The following CD5L variants were observed in gnomAD, a reference collection of about 807,000 sequenced individuals.
CD5L encodes the protein CD5 molecule like.
CD5L carries 39 observed loss-of-function variants against 40.8 expected under a neutral mutation model. The ratio of observed to expected loss-of-function variants is 0.96; its 90% CI spans 0.74 to 1.25. CD5L has a LOEUF of 1.25. Ranked by LOEUF, CD5L falls within the 50% of genes most tolerant of loss-of-function variation. The pLI is 0.00. For missense variants in CD5L, 433 were observed against 435.9 expected (o/e 0.99, Z 0.06); for synonymous variants, 192 against 169.6 (o/e 1.13, Z -1.03).
Position 157,836,019 on chromosome 1 carries a change from C to T in CD5L, c.192G>A (p.Glu64=), listed in dbSNP as rs754454170. 27 of 1,614,096 alleles carry T rather than the reference C, an allele frequency of 1.7e-5. No homozygotes were observed. The highest frequency in any genetic ancestry group is 1.5e-5 in the Non-Finnish European group (18 of 1,180,046). Residue 64 remains glutamate, a synonymous_variant, in exon 3 of 6, where the codon GAG becomes GAA. Coordinates refer to ENST00000368174, the MANE Select transcript of CD5L (RefSeq NM_005894.3). ...TTCCGCTGGCAGCTCCACAGCCCAG[C>T]TCCCGGCACAACACAGCCACGTCCT... ...DIKDVAVLCR[E]LGCGAASGTP... is the part of the protein sequence containing the mutation.
chr1:157,829,695 T>C (rs1655995168), downstream of CD5L, among the ~76,000 whole-genome samples: 1 of 152,204 alleles, frequency 6.6e-6, no homozygotes, highest in African/African-American at 2.4e-5. Context: ...AATTAGTGAA[T>C]TATCATTTTA....
intron 5 of CD5L, 141 bp downstream of exon 5, chr1:157,833,051 G>C (rs1656090763): frequency 4.1e-6 from 3 of 724,660 alleles, no homozygotes. Flanking sequence ...CATATCCCTG[G>C]AAGTACAGAG....
chr1:157,835,486 T>C (rs140314283), intron 3 of CD5L, among the ~76,000 whole-genome samples: 24 of 152,352 alleles, frequency 1.6e-4, no homozygotes, highest in East Asian at 1.4e-3. Context: ...CATTATACTT[T>C]GTGAGCTCAT....
intron 5 of CD5L, 21 bp from the exon 6 acceptor site, chr1:157,831,989 T>A: frequency 6.4e-7 from 1 of 1,557,884 alleles, no homozygotes; most frequent in South Asian, 1.2e-5. Flanking sequence ...AAGAGGAAAA[T>A]GCAGTAAGGA....
chr1:157,841,595 G>C lies in CD5L; in HGVS notation c.28+79C>G, dbSNP rs377466969. 1.7e-5 allele frequency: 21 copies of C among 1,234,124 alleles called. No homozygotes were observed. In the African/African-American group the frequency reaches 2.5e-4, roughly 15 times the overall value. 76.4% of individuals were successfully genotyped at this position (1,234,124 alleles called of 1,614,324 possible). A position where few individuals can be genotyped will look rare whatever the true frequency, so the allele number is the denominator to read the frequency against. ...TTGAAAAACATCTAAATCTGTTCCA[G>C]GTTGGCGGGGAGAAAGTTCTCCTAA... On this transcript the variant is annotated intron_variant, in intron 1 of 5. Coordinates refer to ENST00000368174, the MANE Select transcript of CD5L (RefSeq NM_005894.3).
In CD5L at chr1:157,831,431, A is replaced by G; in HGVS notation, c.*533T>C. 1 of 985,156 alleles carries G rather than the reference A, an allele frequency of 1.0e-6. No homozygotes were observed. The highest frequency in any genetic ancestry group is 1.2e-6 in the Non-Finnish European group (1 of 829,862). 61.0% of individuals were successfully genotyped at this position (985,156 alleles called of 1,614,324 possible). A position where few individuals can be genotyped will look rare whatever the true frequency, so the allele number is the denominator to read the frequency against. On this transcript the variant is annotated 3_prime_UTR_variant, in exon 6 of 6. Transcript: ENST00000368174. ...GAGGTGTTGCTATTGTGGTCACCTG[A>G]AGCTTGAGGAAAAAAAAAAAAAGTA...
At chr1:157,829,157 A>G (rs1655978677), downstream of CD5L, among the ~76,000 whole-genome samples, 1 of 152,244 alleles carries the variant, frequency 6.6e-6, no homozygotes, top group African/African-American at 2.4e-5. Flanking sequence ...GTAGCATGAG[A>G]TGAGGTTGGA....
chr1:157,834,578 T>A lies in CD5L; in HGVS notation c.547A>T (p.Arg183Trp). The change falls in exon 4 of 6, where the codon AGG becomes TGG. Residue 183 changes from arginine to tryptophan, a missense_variant. By Grantham distance (101) the Arg-to-Trp change is moderately radical. Transcript: ENST00000368174. The part of the protein sequence containing the change: ...KVVCRQLGCG[R>W]AVLTQKRCNK... ...CAGCGTTTTTGAGTCAGTACAGCCCTCCCACATCCCAGCTGCCGGCACACC... is the reference window on the plus strand; with the variant it reads ...CAGCGTTTTTGAGTCAGTACAGCCCACCCACATCCCAGCTGCCGGCACACC... 6.2e-7 allele frequency: 1 copy of A among 1,614,112 alleles called. No homozygotes were observed. Among genetic ancestry groups the A allele is most frequent in the South Asian group, 1.1e-5 (1 of 91,074 alleles).
At chr1:157,834,820 GACAC>G in intron 3 of CD5L, 72 bp from the exon 4 acceptor site, 1 of 1,187,894 alleles carries the variant, frequency 8.4e-7, no homozygotes, top group Non-Finnish European at 1.2e-6. Flanking sequence ...CGGCCCAATG[GACAC>G]ATCTCACAGT....
rs767128496 is a variant in CD5L, at chr1:157,836,130, C to G, written c.81G>C (p.Val27=). ...GCCCTTCACAGCGGTGGAGGCCCCCCACCAGCCGCACTCCAGATGGAGACG... is the reference window on the plus strand; with the variant it reads ...GCCCTTCACAGCGGTGGAGGCCCCCGACCAGCCGCACTCCAGATGGAGACG... ...FLASPSGVRL[V]GGLHRCEGRV... is the part of the protein sequence containing the mutation. Residue 27 remains valine (V), a synonymous_variant, in exon 3 of 6, where the codon GTG becomes GTC. Coordinates refer to ENST00000368174, the MANE Select transcript of CD5L (RefSeq NM_005894.3). The G allele has an allele frequency of 1.9e-6, 3 of 1,613,164 alleles. No homozygotes were observed. Among genetic ancestry groups the G allele is most frequent in the Admixed American group, 3.3e-5 (2 of 59,986 alleles).
rs758841015 is a variant in CD5L at position 157,833,339 on chromosome 1, G to A, written c.892C>T (p.Arg298Trp). The change falls in exon 5 of 6, where the codon CGG (arginine) becomes TGG (tryptophan). Residue 298 changes from arginine to tryptophan, a missense_variant. Arg to Trp is a moderately radical substitution (Grantham distance 101, BLOSUM62 -3). Transcript: ENST00000368174. ...GKSLSPSFRD[R>W]KCYGPGVGRI... ...CCAACCCCAGGGCCATAGCATTTCC[G>A]GTCTCTGAAGGAGGGAGAGAGGGAC... The A allele has an allele frequency of 5.6e-5, 91 of 1,613,996 alleles. No individual in the cohort carries two copies. The Middle Eastern group carries it at 9.9e-4, about 17-fold the overall frequency.
chr1:157,828,284 G>T (rs1655956811), downstream of CD5L, among the ~76,000 whole-genome samples: 1 of 152,094 alleles, frequency 6.6e-6, no homozygotes. Context: ...ATCTTACTTG[G>T]TCCATCAACA....
rs1656049164 is a variant in CD5L, at chr1:157,831,584, T to C, written c.*380A>G. 1.9e-6 allele frequency: 2 copies of C among 1,041,496 alleles called. No individual in the cohort carries two copies. The highest frequency in any genetic ancestry group is 3.4e-5 in the African/African-American group (2 of 59,410). The allele number at this position is 1,041,496 out of a possible 1,614,324, so 64.5% of individuals were successfully genotyped here. A position where few individuals can be genotyped will look rare whatever the true frequency, so the allele number is the denominator to read the frequency against. ...GCAGACATAGATTAGTAATAGGACC[T>C]AGATTAGTAATGTTTGCAGACATAG... On this transcript the variant is annotated 3_prime_UTR_variant, in exon 6 of 6. Transcript: ENST00000368174.
chr1:157,839,926 GT>G (rs1249669921), intron 1 of CD5L, among the ~76,000 whole-genome samples: 11 of 152,284 alleles, frequency 7.2e-5, no homozygotes, highest in Admixed American at 7.2e-4. Flanking sequence ...AATATTTTCA[GT>G]TTTGTGGGCC....
chr1:157,840,763 GA>G, intron 1 of CD5L, among the ~76,000 whole-genome samples: 1 of 152,324 alleles, frequency 6.6e-6, no homozygotes, highest in South Asian at 2.1e-4. Context: ...GCACAGGCCA[GA>G]AAGGCTTCAT....
chr1:157,840,218 AG>A (rs1394433511), intron 1 of CD5L, among the ~76,000 whole-genome samples: 8 of 152,114 alleles, frequency 5.3e-5, no homozygotes, highest in Non-Finnish European at 1.0e-4. Context: ...TCCAGATTCC[AG>A]CACCAGCCTG....
chr1:157,834,544 T>C lies in CD5L; in HGVS notation c.581A>G (p.His194Arg), dbSNP rs764778043. ...CCAGATGGGTTTTCGGCCATAGGCA[T>C]GCTTGTTGCAGCGTTTTTGAGTCAG... ...AVLTQKRCNK[H>R]AYGRKPIWLS... The change falls in exon 4 of 6, where the codon CAT becomes CGT. Residue 194 changes from histidine (H) to arginine (R), a missense_variant. Transcript: ENST00000368174. 5.0e-6 allele frequency: 8 copies of C among 1,614,124 alleles called. No individual in the cohort carries two copies. The highest frequency in any genetic ancestry group is 1.6e-4 in the Middle Eastern group (1 of 6,084).
downstream of CD5L, among the ~76,000 whole-genome samples, chr1:157,830,035 A>G (rs749257623): frequency 1.1e-4 from 17 of 152,142 alleles, no homozygotes; most frequent in Non-Finnish European, 2.2e-4. Flanking sequence ...TTCTCTACCT[A>G]TCTTCCCCTG....
At chr1:157,838,717 G>A (rs905136724) in intron 2 of CD5L, among the ~76,000 whole-genome samples, 30 of 152,030 alleles carry the variant, frequency 2.0e-4, no homozygotes, top group Admixed American at 6.6e-5. Flanking sequence ...ATCTATCAGG[G>A]TATAGGATTC....
Sources: allele counts gnomAD v4.1 joint callset (sites outside exome capture counted in the v4.1 genomes callset), GRCh38; gene constraint gnomAD v4.1.1; transcripts MANE v1.5; gene names NCBI Gene and HGNC (gene_info 2026-07-23, HGNC 2026-07-21).